The following LRFN5 variants were observed in gnomAD, a reference collection of about 807,000 sequenced individuals.
LRFN5 encodes leucine rich repeat and fibronectin type III domain containing 5, also known as leucine-rich repeat and fibronectin type-III domain-containing protein 5.
LRFN5 carries 24 observed loss-of-function variants against 45.6 expected under a neutral mutation model. The observed-to-expected ratio is 0.53, with a 90% CI of 0.38 to 0.74. LRFN5 has a LOEUF of 0.74. LRFN5 is among the 30% of genes least tolerant of loss of function. The probability of loss-of-function intolerance (pLI) is 0.00; values close to 1 mark genes in which losing one functional copy is unlikely to be tolerated. For missense variants in LRFN5, 776 were observed against 861.5 expected, an observed-to-expected ratio of 0.90 and a Z score of 1.24; for synonymous variants, 340 against 313.8, an observed-to-expected ratio of 1.08 and a Z score of -0.88.
Position 41,887,478 on chromosome 14 carries a change from G to A in LRFN5, c.853G>A (p.Glu285Lys), listed in dbSNP as rs775923347. 1.9e-6 allele frequency: 3 copies of A among 1,614,154 alleles called. No individual in the cohort carries two copies. Among genetic ancestry groups the A allele is most frequent in the Non-Finnish European group, 2.5e-6 (3 of 1,180,026 alleles). ...AATTCCTGAAGAAGAGTTTTTGTGT[G>A]AGCCTCCTCTCATTACTCGTCATAC... is the stretch of plus-strand genomic sequence containing the variant. ...WSIPEEEFLC[E>K]PPLITRHTHE... The change falls in exon 3 of 6, where the codon GAG (glutamate) becomes AAG (lysine). Residue 285 changes from glutamate to lysine, a missense_variant. Glu to Lys is a moderately conservative substitution (Grantham distance 56). This residue lies in a region of LRFN5 where 311 missense variants were observed against 405.1 expected (regional missense o/e 0.77). Transcript: ENST00000298119. This position sits in a 1 kb window ranked among gnomAD's most constrained non-coding sequence, Gnocchi z 4.8.
At chr14:41,897,946 A>C (rs1255450495) in intron 4 of LRFN5, among the ~76,000 whole-genome samples, 5 of 152,128 alleles carry the variant, frequency 3.3e-5, no homozygotes, top group African/African-American at 4.8e-5. Context: ...ATAAATAAAT[A>C]TTTGAGTAAA....
At chr14:41,632,662 G>C (rs1033421495) in intron 1 of LRFN5, among the ~76,000 whole-genome samples, 3 of 152,108 alleles carry the variant, frequency 2.0e-5, no homozygotes, top group Non-Finnish European at 4.4e-5. Flanking sequence ...GAGGAACTTA[G>C]AATACAGAGA....
At chr14:41,857,167 A>T (rs768769476) in intron 2 of LRFN5, among the ~76,000 whole-genome samples, 3 of 152,090 alleles carry the variant, frequency 2.0e-5, no homozygotes, top group Non-Finnish European at 4.4e-5. Flanking sequence ...TTATTTTCAC[A>T]ATTAATTTAA....
intron 2 of LRFN5, among the ~76,000 whole-genome samples, chr14:41,862,864 T>C (rs1457888206): frequency 1.4e-4 from 4 of 29,048 alleles, no homozygotes; most frequent in African/African-American, 3.8e-4. Context: ...AGTCTCTCTT[T>C]TTTTTTTTTT....
At chr14:41,640,003 T>C (rs1220375579) in intron 1 of LRFN5, among the ~76,000 whole-genome samples, 1 of 149,090 alleles carries the variant, frequency 6.7e-6, no homozygotes, top group Non-Finnish European at 1.5e-5. Flanking sequence ...TCTCCCTATA[T>C]TGCATAGGCT....
chr14:41,890,560 A>G (rs1890740571), intron 3 of LRFN5, among the ~76,000 whole-genome samples: 2 of 151,516 alleles, frequency 1.3e-5, no homozygotes, highest in African/African-American at 4.8e-5. Context: ...ACAAAAAATT[A>G]GCCGGGCGTG....
intron 1 of LRFN5, among the ~76,000 whole-genome samples, chr14:41,620,143 G>A (rs925450999): frequency 6.6e-6 from 1 of 151,838 alleles, no homozygotes; most frequent in African/African-American, 2.4e-5. Flanking sequence ...AGGACCAAAG[G>A]GATCTTATAA....
At chr14:41,902,708 G>C (rs917123610) in intron 5 of LRFN5, among the ~76,000 whole-genome samples, 1 of 151,688 alleles carries the variant, frequency 6.6e-6, no homozygotes, top group Non-Finnish European at 1.5e-5. Context: ...ACTTAAACTA[G>C]TTATTTTGTC....
intron 1 of LRFN5, among the ~76,000 whole-genome samples, chr14:41,659,451 T>C (rs1484308349): frequency 6.6e-6 from 1 of 152,132 alleles, no homozygotes; most frequent in Non-Finnish European, 1.5e-5. Context: ...CAGTCTATCA[T>C]TGATGGGCAT....
rs188545110 is a variant in LRFN5 at position 41,621,512 on chromosome 14, A to G, written c.-197+12950A>G. On this transcript the variant is annotated intron_variant, in intron 1 of 5. Transcript: ENST00000298119. Reference sequence around the variant, plus strand: ...TCAGTCCAAGAAGGAGTTGAGACCTACAGGTGAACAATGTGTAAAAAGAGT... The same window carrying G: ...TCAGTCCAAGAAGGAGTTGAGACCTGCAGGTGAACAATGTGTAAAAAGAGT... 2.3e-3 allele frequency among the ~76,000 whole-genome samples: 350 copies of G among 152,286 alleles called. 2 individuals carry two copies. Among genetic ancestry groups the G allele is most frequent in the African/African-American group, 8.1e-3 (336 of 41,572 alleles).
intron 2 of LRFN5, among the ~76,000 whole-genome samples, chr14:41,775,769 AG>A (rs1481870057): frequency 6.6e-6 from 1 of 152,236 alleles, no homozygotes; most frequent in African/African-American, 2.4e-5. Context: ...GTTATAAAAA[AG>A]GAGGAATATT....
chr14:41,852,768 T>C (rs1889315893), intron 2 of LRFN5, among the ~76,000 whole-genome samples: 1 of 152,020 alleles, frequency 6.6e-6, no homozygotes, highest in Non-Finnish European at 1.5e-5. Flanking sequence ...TATTGCTCCA[T>C]TGAATAAAAC....
At chr14:41,642,695 T>A (rs570058778) in intron 1 of LRFN5, among the ~76,000 whole-genome samples, 157 of 152,336 alleles carry the variant, frequency 1.0e-3, no homozygotes, top group African/African-American at 3.7e-3. Context: ...ACTGCCAGCA[T>A]GGATTGACAG....
intron 2 of LRFN5, among the ~76,000 whole-genome samples, chr14:41,797,571 A>AT (rs1396964183): frequency 1.2e-4 from 18 of 151,522 alleles, no homozygotes; most frequent in African/African-American, 4.1e-4. Flanking sequence ...CTAAATTAGT[A>AT]TTTTTTCTCT....
At chr14:41,824,014 A>G (rs1445182672) in intron 2 of LRFN5, among the ~76,000 whole-genome samples, 1 of 152,180 alleles carries the variant, frequency 6.6e-6, no homozygotes, top group Non-Finnish European at 1.5e-5. Context: ...TTATTTCCAG[A>G]AACTCTGTTC....
At chr14:41,781,436 T>A (rs1401869352) in intron 2 of LRFN5, among the ~76,000 whole-genome samples, 1 of 149,346 alleles carries the variant, frequency 6.7e-6, no homozygotes, top group Non-Finnish European at 1.5e-5. Context: ...AGGTTGAGAC[T>A]GCATTGAGTC....
intron 2 of LRFN5, among the ~76,000 whole-genome samples, chr14:41,798,773 T>C (rs1333009053): frequency 6.6e-6 from 1 of 152,024 alleles, no homozygotes; most frequent in Admixed American, 6.6e-5. Flanking sequence ...CATGTTTTTC[T>C]TTGTTTTGTT....
intron 1 of LRFN5, among the ~76,000 whole-genome samples, chr14:41,759,103 A>T (rs892763118): frequency 6.6e-6 from 1 of 152,216 alleles, no homozygotes; most frequent in East Asian, 1.9e-4. Flanking sequence ...TTAGGATGGT[A>T]CATTTTAAAG....
chr14:41,723,992 T>A (rs951082530), intron 1 of LRFN5, among the ~76,000 whole-genome samples: 6 of 152,174 alleles, frequency 3.9e-5, no homozygotes, highest in Non-Finnish European at 8.8e-5. Flanking sequence ...ATCTCCAAGT[T>A]AGCTCCAGGT....
Sources: gnomAD v4.1 joint callset for allele counts (sites outside exome capture counted in the v4.1 genomes callset) on GRCh38, gnomAD v4.1.1 for gene constraint, gnomAD v4.1.1 regional missense constraint, Gnocchi (gnomAD v3.1) non-coding constraint, MANE v1.5 for transcripts, NCBI Gene and HGNC (gene_info 2026-07-23, HGNC 2026-07-21) for gene names.